Variants in TBC1D5 observed in about 807,000 individuals in gnomAD.
The protein encoded by TBC1D5 is TBC1 domain family member 5.
Under a neutral mutation model 100.3 loss-of-function variants are expected in TBC1D5, and 75 were observed. The observed-to-expected ratio is 0.75, with a 90% CI of 0.62 to 0.91. The LOEUF (loss-of-function observed/expected upper bound fraction) is 0.91. TBC1D5 is among the 40% of genes least tolerant of loss of function. TBC1D5 has a pLI of 0.00. For missense variants in TBC1D5, 910 were observed against 942.4 expected (o/e 0.97, Z 0.45); for synonymous variants, 323 against 325.6 (o/e 0.99, Z 0.09).
At chr3:17,684,828 T>C (rs2070027449) in intron 1 of TBC1D5, among the ~76,000 whole-genome samples, 1 of 151,946 alleles carries the variant, frequency 6.6e-6, no homozygotes, top group Admixed American at 6.6e-5. Context: ...AAATATAAGG[T>C]GGATTTAAAA....
chr3:17,642,122 A>C (rs2064570435), intron 1 of TBC1D5, among the ~76,000 whole-genome samples: 1 of 152,128 alleles, frequency 6.6e-6, no homozygotes, highest in African/African-American at 2.4e-5. Flanking sequence ...TATAACATTT[A>C]AAATTTTTTA....
In TBC1D5 at chr3:17,695,748, C is replaced by G. The variant is rs142798382; in HGVS notation, c.-101+43595G>C. ...GAACTCAGCTCTGCACCAAGCTGAC[C>G]TAAGAGATATCTACAGAACTCTCCA... On this transcript the variant is annotated intron_variant, in intron 1 of 21. Coordinates refer to ENST00000253692, the Ensembl canonical transcript of TBC1D5. 5.3e-4 allele frequency among the ~76,000 whole-genome samples: 80 copies of G among 152,268 alleles called. 1 individual carries two copies. The highest frequency in any genetic ancestry group is 1.8e-3 in the African/African-American group (76 of 41,546).
chr3:17,693,750 G>C (rs1298815385), intron 1 of TBC1D5, among the ~76,000 whole-genome samples: 4 of 152,242 alleles, frequency 2.6e-5, no homozygotes, highest in Non-Finnish European at 5.9e-5. Flanking sequence ...CACAGCGTTT[G>C]AGCTCTGAGA....
chr3:17,410,432 G>C (rs562509887), intron 4 of TBC1D5, among the ~76,000 whole-genome samples: 6 of 152,140 alleles, frequency 3.9e-5, no homozygotes, highest in Non-Finnish European at 8.8e-5. Context: ...CCCATGAAGT[G>C]GGGAGTCATT....
At position 17,177,462 on chromosome 3, in the gene TBC1D5, G is replaced by C. The variant is rs139604140; in HGVS notation, c.1852+7647C>G. Among the ~76,000 whole-genome samples the C allele has an allele frequency of 1.4e-4, 21 of 152,344 alleles. No homozygotes were observed. The East Asian group carries it at 3.7e-3, about 27-fold the overall frequency. ...GATTGCAGGCTACATCAGGATGCTA[G>C]GGGAGGCAGTGGGCTCTCTGCCCAG... On this transcript the variant is annotated intron_variant, in intron 19 of 21. Coordinates refer to ENST00000253692, the Ensembl canonical transcript of TBC1D5.
intron 2 of TBC1D5, among the ~76,000 whole-genome samples, chr3:17,513,817 C>T (rs2095945347): frequency 6.7e-6 from 1 of 150,226 alleles, no homozygotes; most frequent in Admixed American, 6.6e-5. Context: ...CATGTATTTA[C>T]CATGATAGGT....
At chr3:17,693,334 G>A (rs1268409913) in intron 1 of TBC1D5, among the ~76,000 whole-genome samples, 6 of 152,200 alleles carry the variant, frequency 3.9e-5, no homozygotes, top group Non-Finnish European at 8.8e-5. Flanking sequence ...CTAGCCAAGG[G>A]AAGCCGTGAC....
chr3:17,380,890 CA>C (rs147306683), intron 9 of TBC1D5, among the ~76,000 whole-genome samples: 3 of 152,130 alleles, frequency 2.0e-5, no homozygotes, highest in African/African-American at 7.2e-5. Flanking sequence ...AATAAAATCC[CA>C]TAACTATTAA....
intron 14 of TBC1D5, among the ~76,000 whole-genome samples, chr3:17,295,183 G>A (rs2082127036): frequency 6.6e-6 from 1 of 152,182 alleles, no homozygotes. Flanking sequence ...AAAAGCAAAG[G>A]TAAGTAGTAC....
At chr3:17,235,021 G>A (rs2075747185) in intron 17 of TBC1D5, among the ~76,000 whole-genome samples, 1 of 152,070 alleles carries the variant, frequency 6.6e-6, no homozygotes, top group African/African-American at 2.4e-5. Flanking sequence ...ACTGATAATG[G>A]CGTGCCTACT....
At chr3:17,655,144 T>C (rs980633688) in intron 1 of TBC1D5, among the ~76,000 whole-genome samples, 1 of 152,050 alleles carries the variant, frequency 6.6e-6, no homozygotes, top group Non-Finnish European at 1.5e-5. Flanking sequence ...GAAGGGTTTT[T>C]TGTGTCTCTA....
chr3:17,470,954 G>A (rs1453867244), intron 3 of TBC1D5, among the ~76,000 whole-genome samples: 3 of 152,024 alleles, frequency 2.0e-5, no homozygotes, highest in Non-Finnish European at 4.4e-5. Context: ...ATGAACTTCT[G>A]CAAGGAAAAC....
chr3:17,599,439 A>C (rs1480623817), intron 2 of TBC1D5, among the ~76,000 whole-genome samples: 1 of 152,122 alleles, frequency 6.6e-6, no homozygotes, highest in Non-Finnish European at 1.5e-5. Context: ...CTCCACGGGA[A>C]GATTATCTTC....
intron 2 of TBC1D5, among the ~76,000 whole-genome samples, chr3:17,527,141 C>T (rs1476745234): frequency 1.3e-5 from 2 of 152,210 alleles, no homozygotes; most frequent in East Asian, 3.9e-4. Flanking sequence ...AGCAACAACA[C>T]ATGATATGAA....
chr3:17,255,231 C>G (rs532030737), intron 16 of TBC1D5, among the ~76,000 whole-genome samples: 1 of 152,240 alleles, frequency 6.6e-6, no homozygotes, highest in African/African-American at 2.4e-5. Flanking sequence ...GATGAAGTCT[C>G]TCTCTGTCGC....
intron 3 of TBC1D5, among the ~76,000 whole-genome samples, chr3:17,497,808 T>A (rs2095733544): frequency 6.6e-6 from 1 of 152,126 alleles, no homozygotes; most frequent in African/African-American, 2.4e-5. Flanking sequence ...GGCTCACACA[T>A]TGACTCATCT....
chr3:17,627,416 G>T (rs2063146655), intron 1 of TBC1D5, among the ~76,000 whole-genome samples: 1 of 151,618 alleles, frequency 6.6e-6, no homozygotes, highest in African/African-American at 2.4e-5. Context: ...AGGAAGGGAA[G>T]AACAAAGAGC....
chr3:17,325,290 G>T (rs1243870483), intron 13 of TBC1D5, among the ~76,000 whole-genome samples: 2 of 142,120 alleles, frequency 1.4e-5, no homozygotes, highest in Admixed American at 6.9e-5. Flanking sequence ...AAAAAGAAAT[G>T]AACTATTGAT....
At chr3:17,199,195 A>T (rs971775901) in intron 18 of TBC1D5, among the ~76,000 whole-genome samples, 2 of 152,226 alleles carry the variant, frequency 1.3e-5, no homozygotes, top group Non-Finnish European at 2.9e-5. Flanking sequence ...TCCGAAATCA[A>T]GGGTGTCAAA....
Sources: allele counts gnomAD v4.1 joint callset (sites outside exome capture counted in the v4.1 genomes callset), GRCh38; gene constraint gnomAD v4.1.1; transcripts MANE v1.5; gene names NCBI Gene and HGNC (gene_info 2026-07-23, HGNC 2026-07-21).